Variants in RDX observed in about 807,000 individuals in gnomAD.
RDX encodes the protein deafness, autosomal recessive 24.
RDX carries 32 observed loss-of-function variants against 83.7 expected under a neutral mutation model. The observed-to-expected ratio is 0.38, with a 90% CI of 0.29 to 0.51. The LOEUF (loss-of-function observed/expected upper bound fraction) is 0.51. Among genes scored for constraint, RDX ranks in the 20% least tolerant of loss-of-function variants. The pLI is 0.87. For synonymous variants in RDX, 229 were observed against 222.7 expected (o/e 1.03, Z -0.25); for missense variants, 600 against 689.9 (o/e 0.87, Z 1.46).
At chr11:110,274,470 G>A (rs563322931) in intron 2 of RDX, among the ~76,000 whole-genome samples, 1 of 152,254 alleles carries the variant, frequency 6.6e-6, no homozygotes, top group African/African-American at 2.4e-5. Flanking sequence ...TGTGGGCAAT[G>A]CTTACATGGG....
At chr11:110,240,224 C>T (rs1251583838) in intron 10 of RDX, among the ~76,000 whole-genome samples, 3 of 152,148 alleles carry the variant, frequency 2.0e-5, no homozygotes, top group African/African-American at 4.8e-5. Context: ...AAATGAAATC[C>T]TGTCATTTGC....
chr11:110,188,506 G>A (rs1321977078), intron 15 of RDX, among the ~76,000 whole-genome samples: 6 of 152,050 alleles, frequency 3.9e-5, no homozygotes, highest in Non-Finnish European at 8.8e-5. Context: ...GGGAACTTAG[G>A]AGGAAGGATG....
chr11:110,185,231 TA>T, intron 15 of RDX: 1 of 152,342 alleles, frequency 6.6e-6, no homozygotes, highest in Non-Finnish European at 1.5e-5. Flanking sequence ...GAAATGAGGA[TA>T]ATCCATAATC....
intron 10 of RDX, among the ~76,000 whole-genome samples, chr11:110,246,749 C>A (rs1213164983): frequency 3.8e-3 from 533 of 139,504 alleles, no homozygotes; most frequent in Middle Eastern, 7.4e-3. Context: ...GACTGTGTCT[C>A]AAAAAAAAAA....
At chr11:110,181,524 T>A (rs1465091259) in intron 15 of RDX, among the ~76,000 whole-genome samples, 2 of 152,222 alleles carry the variant, frequency 1.3e-5, no homozygotes, top group East Asian at 3.8e-4. Flanking sequence ...CTTCCCAGTA[T>A]CTTCCACTGC....
At chr11:110,295,041 T>C (rs773836539) in intron 1 of RDX, among the ~76,000 whole-genome samples, 3 of 152,228 alleles carry the variant, frequency 2.0e-5, no homozygotes, top group African/African-American at 4.8e-5. Flanking sequence ...CAATCGTCTT[T>C]ACAGCATACG....
At chr11:110,242,228 G>A (rs1865126816) in intron 10 of RDX, among the ~76,000 whole-genome samples, 1 of 152,006 alleles carries the variant, frequency 6.6e-6, no homozygotes. Flanking sequence ...CTAGGCGGGC[G>A]GATCACATGA....
intron 3 of RDX, among the ~76,000 whole-genome samples, chr11:110,265,364 T>A (rs1859992795): frequency 6.6e-6 from 1 of 152,058 alleles, no homozygotes; most frequent in African/African-American, 2.4e-5. Context: ...AGTCTTGGGA[T>A]TATAGGCGTA....
intron 15 of RDX, among the ~76,000 whole-genome samples, chr11:110,188,792 G>A (rs1238093369): frequency 6.6e-6 from 1 of 151,976 alleles, no homozygotes; most frequent in South Asian, 2.1e-4. Context: ...TTATAGACAA[G>A]CAATCACTAA....
At chr11:110,294,141 C>T (rs1565340809) in intron 1 of RDX, among the ~76,000 whole-genome samples, 1 of 152,244 alleles carries the variant, frequency 6.6e-6, no homozygotes, top group African/African-American at 2.4e-5. Context: ...TGCCTGTAAT[C>T]CCAGCACTTT....
chr11:110,202,444 G>C (rs1231494549), intron 14 of RDX, among the ~76,000 whole-genome samples: 1 of 151,826 alleles, frequency 6.6e-6, no homozygotes, highest in Non-Finnish European at 1.5e-5. Flanking sequence ...TTTTAGACAG[G>C]GTTTTGCTCT....
intron 7 of RDX, among the ~76,000 whole-genome samples, chr11:110,256,567 A>AACC (rs1859553565): frequency 6.6e-6 from 1 of 152,294 alleles, no homozygotes; most frequent in East Asian, 1.9e-4. Context: ...TATGTGCCAG[A>AACC]ACCACCACCA....
At chr11:110,236,552 C>T in intron 11 of RDX, 1 of 196,536 alleles carries the variant, frequency 5.1e-6, no homozygotes. Context: ...TTAAATGGCA[C>T]TTTGTCAAAT....
intron 14 of RDX, among the ~76,000 whole-genome samples, chr11:110,209,620 C>T (rs1217217678): frequency 6.7e-6 from 1 of 149,182 alleles, no homozygotes; most frequent in Admixed American, 6.6e-5. Flanking sequence ...AGTGGTTCTC[C>T]CAGCACGCAG....
chr11:110,283,185 G>A (rs1328195433), intron 1 of RDX, among the ~76,000 whole-genome samples: 2 of 151,858 alleles, frequency 1.3e-5, no homozygotes, highest in Non-Finnish European at 2.9e-5. Flanking sequence ...ATGGAGTCTC[G>A]CTCTGTCACC....
At chr11:110,264,632 T>C (rs188797898) in intron 4 of RDX, 147 bp downstream of exon 4, 5 of 592,408 alleles carry the variant, frequency 8.4e-6, no homozygotes, top group Non-Finnish European at 1.5e-5. Context: ...GGTGCCTGAT[T>C]GAATTTAAAA....
chr11:110,233,487 T>C lies in RDX; in HGVS notation c.1345-8A>G. The stretch of plus-strand genomic sequence containing the variant: ...TTCCTGGGCTGCAAAAGCCTGAACA[T>C]TAAAAATACGTTTATGAGCAACTTA... On this transcript the variant is annotated splice_region_variant and splice_polypyrimidine_tract_variant and intron_variant, in intron 12 of 13. Coordinates refer to ENST00000645495, the MANE Select transcript of RDX (RefSeq NM_002906.4). 1 of 1,614,030 alleles carries C rather than the reference T, an allele frequency of 6.2e-7. No homozygotes were observed.
chr11:110,274,398 T>A (rs1321919042), intron 2 of RDX, among the ~76,000 whole-genome samples: 1 of 152,210 alleles, frequency 6.6e-6, no homozygotes, highest in Non-Finnish European at 1.5e-5. Flanking sequence ...TAGCTTCATT[T>A]TTCTTGATTT....
intron 15 of RDX, among the ~76,000 whole-genome samples, chr11:110,182,740 T>G (rs1257876979): frequency 1.3e-5 from 2 of 152,158 alleles, no homozygotes; most frequent in East Asian, 3.9e-4. Context: ...TAGGGAAACT[T>G]TTGACAACCA....
Sources: allele counts gnomAD v4.1 joint callset (sites outside exome capture counted in the v4.1 genomes callset), GRCh38; gene constraint gnomAD v4.1.1; transcripts MANE v1.5; gene names NCBI Gene and HGNC (gene_info 2026-07-23, HGNC 2026-07-21).